The following SAMD12 variants were observed in gnomAD, a reference collection of about 807,000 sequenced individuals.
SAMD12 encodes sterile alpha motif domain containing 12, also known as sterile alpha motif domain-containing protein 12.
Under a neutral mutation model 15.0 loss-of-function variants are expected in SAMD12, and 9 were observed. The observed-to-expected ratio is 0.60, with a 90% confidence interval of 0.36 to 1.05. The LOEUF is 1.05. Ranked by LOEUF, SAMD12 falls within the 50% of genes least tolerant of loss-of-function variation. The probability of loss-of-function intolerance (pLI) is 0.01; values close to 1 mark genes in which losing one functional copy is unlikely to be tolerated. For synonymous variants in SAMD12, 86 were observed against 90.1 expected (o/e 0.96, Z 0.25); for missense variants, 230 against 234.2 (o/e 0.98, Z 0.12).
intron 2 of SAMD12, among the ~76,000 whole-genome samples, chr8:118,451,212 C>A (rs1440186273): frequency 8.5e-5 from 13 of 152,178 alleles, no homozygotes; most frequent in Admixed American, 6.5e-4. Flanking sequence ...TGATAGCACT[C>A]TAATTTGATA....
At chr8:118,578,257 C>T (rs1827199940) in intron 2 of SAMD12, among the ~76,000 whole-genome samples, 1 of 152,164 alleles carries the variant, frequency 6.6e-6, no homozygotes, top group African/African-American at 2.4e-5. Context: ...CATTAATACA[C>T]AGTTTCTTTA....
the SAMD12 span, among the ~76,000 whole-genome samples, chr8:118,137,970 T>G: frequency 6.6e-6 from 1 of 152,128 alleles, no homozygotes; most frequent in African/African-American, 2.4e-5. Flanking sequence ...TCCTTAACTT[T>G]TTTTTCTTTT....
At chr8:118,522,455 G>A (rs74823502) in intron 2 of SAMD12, among the ~76,000 whole-genome samples, 15 of 152,244 alleles carry the variant, frequency 9.9e-5, no homozygotes, top group African/African-American at 3.6e-4. Flanking sequence ...CAGAAAGACC[G>A]ATGCAATGTT....
At chr8:118,443,430 C>T (rs959697084) in intron 2 of SAMD12, among the ~76,000 whole-genome samples, 14 of 152,154 alleles carry the variant, frequency 9.2e-5, no homozygotes, top group African/African-American at 3.4e-4. Context: ...TGTACACCAG[C>T]CTGGGTGACA....
At chr8:118,271,843 T>G (rs1222778370) in intron 4 of SAMD12, among the ~76,000 whole-genome samples, 3 of 152,208 alleles carry the variant, frequency 2.0e-5, no homozygotes, top group Admixed American at 2.0e-4. Flanking sequence ...ACCACAGCCT[T>G]GGGCAGCTCT....
intron 2 of SAMD12, among the ~76,000 whole-genome samples, chr8:118,500,061 T>C (rs1336178747): frequency 8.0e-6 from 1 of 125,126 alleles, no homozygotes; most frequent in Admixed American, 8.1e-5. Context: ...CGCCCCTGAG[T>C]TTTGCCTTTT....
intron 4 of SAMD12, among the ~76,000 whole-genome samples, chr8:118,326,654 G>A (rs926291710): frequency 6.6e-6 from 1 of 152,100 alleles, no homozygotes; most frequent in African/African-American, 2.4e-5. Flanking sequence ...GGTATCTGGG[G>A]TTTTATCCTG....
intron 3 of SAMD12, among the ~76,000 whole-genome samples, chr8:118,383,196 C>A (rs992662054): frequency 6.6e-6 from 1 of 152,132 alleles, no homozygotes; most frequent in African/African-American, 2.4e-5. Context: ...CTCACTAGGC[C>A]TCTGTTATTT....
chr8:118,255,704 A>G (rs910990484), intron 4 of SAMD12, among the ~76,000 whole-genome samples: 2 of 151,618 alleles, frequency 1.3e-5, no homozygotes, highest in African/African-American at 2.4e-5. Context: ...TCATGGCTGC[A>G]TAGTATTCCA....
intron 4 of SAMD12, among the ~76,000 whole-genome samples, chr8:118,254,897 G>A (rs1245257739): frequency 6.6e-6 from 1 of 151,830 alleles, no homozygotes; most frequent in East Asian, 1.9e-4. Context: ...TCCTGCTTGA[G>A]AGTCCTACAG....
chr8:118,385,347 G>A (rs1049632917), intron 3 of SAMD12, among the ~76,000 whole-genome samples: 1 of 152,174 alleles, frequency 6.6e-6, no homozygotes, highest in African/African-American at 2.4e-5. Flanking sequence ...GAATTCTCCT[G>A]CCTGATGGCC....
At chr8:118,518,385 C>G (rs569479112) in intron 2 of SAMD12, among the ~76,000 whole-genome samples, 50 of 152,316 alleles carry the variant, frequency 3.3e-4, no homozygotes, top group African/African-American at 1.1e-3. Flanking sequence ...TATCCCTTCA[C>G]ATTAAATCTA....
chr8:118,189,778 T>C (rs1819309102), exon 5 of SAMD12: 1 of 151,772 alleles, frequency 6.6e-6, no homozygotes, highest in Admixed American at 6.6e-5. Context: ...AAAATTGTGG[T>C]ACACAATAAT....
chr8:118,269,794 T>G (rs938732361), intron 4 of SAMD12, among the ~76,000 whole-genome samples: 1 of 152,196 alleles, frequency 6.6e-6, no homozygotes, highest in Non-Finnish European at 1.5e-5. Flanking sequence ...TTAGCAAGAA[T>G]TGTTTGCATA....
chr8:118,588,078 A>G (rs1375335984), intron 1 of SAMD12, among the ~76,000 whole-genome samples: 2 of 152,164 alleles, frequency 1.3e-5, no homozygotes, highest in African/African-American at 4.8e-5. Flanking sequence ...ATCAGAGGTA[A>G]TCAATCCAGA....
Position 118,216,821 on chromosome 8 carries a change from C to T in SAMD12, c.434-19089G>A, listed in dbSNP as rs553821699. On this transcript the variant is annotated intron_variant, in intron 4 of 4. Transcript: ENST00000409003. ...AAACTCTTAAGTAATAAAGCTTATTCTCAACATTTCTTGACAATGAAAATA... is the reference window on the plus strand; with the variant it reads ...AAACTCTTAAGTAATAAAGCTTATTTTCAACATTTCTTGACAATGAAAATA... Among the ~76,000 whole-genome samples, 41 of 152,280 alleles carry T rather than the reference C, an allele frequency of 2.7e-4. No homozygotes were observed. In the East Asian group the frequency reaches 5.8e-3, roughly 22 times the overall value.
intron 2 of SAMD12, among the ~76,000 whole-genome samples, chr8:118,475,974 C>T (rs1231309738): frequency 6.6e-6 from 1 of 152,132 alleles, no homozygotes; most frequent in African/African-American, 2.4e-5. Flanking sequence ...TTGTAAATTG[C>T]CTGTGAAAAT....
chr8:118,247,354 A>G (rs1241863329), intron 4 of SAMD12, among the ~76,000 whole-genome samples: 2 of 152,104 alleles, frequency 1.3e-5, no homozygotes. Context: ...ATTATACAGC[A>G]TAGTGACTAT....
intron 4 of SAMD12, among the ~76,000 whole-genome samples, chr8:118,354,764 C>T (rs1215205265): frequency 6.6e-6 from 1 of 152,190 alleles, no homozygotes; most frequent in Non-Finnish European, 1.5e-5. Context: ...ATATATGGCT[C>T]AAATGAGAAT....
Sources: gnomAD v4.1 joint callset for allele counts (sites outside exome capture counted in the v4.1 genomes callset) on GRCh38, gnomAD v4.1.1 for gene constraint, MANE v1.5 for transcripts, NCBI Gene and HGNC (gene_info 2026-07-23, HGNC 2026-07-21) for gene names.